Variants in PDIA4 observed in about 807,000 individuals in gnomAD.
PDIA4 encodes the protein protein disulfide-isomerase A4.
A neutral mutation model predicts 62.1 loss-of-function variants in PDIA4; 33 were observed. The observed-to-expected ratio is 0.53, with a 90% confidence interval of 0.40 to 0.71. The LOEUF (loss-of-function observed/expected upper bound fraction) is 0.71, where lower values mean the gene tolerates loss of function less well. Ranked by LOEUF, PDIA4 falls within the 30% of genes least tolerant of loss-of-function variation. The pLI is 0.00. For synonymous variants in PDIA4, 341 were observed against 324.1 expected (o/e 1.05, Z -0.56); for missense variants, 804 against 813.6 (o/e 0.99, Z 0.14).
chr7:149,014,153 G>A (rs983180178), intron 4 of PDIA4, among the ~76,000 whole-genome samples: 1 of 152,152 alleles, frequency 6.6e-6, no homozygotes, highest in East Asian at 1.9e-4. Flanking sequence ...GGCTTATCCA[G>A]GCATTGCCTG....
In PDIA4 at chr7:149,008,702, C is replaced by T. The variant is rs1295638081; in HGVS notation, c.980-392G>A. 3.4e-5 allele frequency among the ~76,000 whole-genome samples: 5 copies of T among 149,080 alleles called. No homozygotes were observed. In the East Asian group the frequency reaches 9.8e-4, roughly 29 times the overall value. ...TTTCAGCCTGGGCGACAGAGTGAGA[C>T]TGTCTTTAAAAAGAAAAAAAAAAAA... On this transcript the variant is annotated intron_variant, in intron 6 of 9. Coordinates refer to ENST00000652332, the MANE Select transcript of PDIA4 (RefSeq NM_004911.5).
intron 3 of PDIA4, 24 bp from the exon 4 acceptor site, chr7:149,015,066 A>G (rs1824081744): frequency 6.2e-7 from 1 of 1,613,556 alleles, no homozygotes; most frequent in Non-Finnish European, 8.5e-7. Flanking sequence ...AGCAAGACTG[A>G]GCACACAAGG....
chr7:149,008,020 G>A, intron 7 of PDIA4, 139 bp downstream of exon 7: 3 of 780,164 alleles, frequency 3.8e-6, no homozygotes, highest in South Asian at 3.9e-5. Flanking sequence ...GTGGGGTGGG[G>A]AGAACGGGCT....
chr7:149,005,880 T>G lies in PDIA4; in HGVS notation c.1288+17A>C. ...CCCCACCCCCCACCCCCGCAGGTCT[T>G]GGTGGGGGTCCCTCACCAGCTCTGT... On this transcript the variant is annotated intron_variant, in intron 8 of 9. Coordinates refer to ENST00000652332, the MANE Select transcript of PDIA4 (RefSeq NM_004911.5). The G allele has an allele frequency of 6.7e-7, 1 of 1,487,562 alleles. No individual in the cohort carries two copies. The allele number at this position is 1,487,562 out of a possible 1,614,324, so 92.1% of individuals were successfully genotyped here.
chr7:149,026,813 A>C (rs1352702915), intron 1 of PDIA4, among the ~76,000 whole-genome samples: 3 of 151,790 alleles, frequency 2.0e-5, no homozygotes, highest in East Asian at 1.9e-4. Flanking sequence ...AAAAAAAAAA[A>C]AAAACGGAGC....
rs1824628147 is a variant in PDIA4, at chr7:149,028,210, C to G, written c.88+111G>C. On this transcript the variant is annotated intron_variant, in intron 1 of 9. Coordinates refer to ENST00000652332, the MANE Select transcript of PDIA4 (RefSeq NM_004911.5). ...CCGGGCTCGGCGCCCATCACTAGTTCTGGAGCTGACCGCGCGGAAGCCCGC... is the reference window on the plus strand; with the variant it reads ...CCGGGCTCGGCGCCCATCACTAGTTGTGGAGCTGACCGCGCGGAAGCCCGC... The G allele has an allele frequency of 1.9e-5, 14 of 742,874 alleles. No homozygotes were observed. The South Asian group carries it at 2.2e-4, about 12-fold the overall frequency. 46.0% of individuals were successfully genotyped at this position (742,874 alleles called of 1,614,324 possible).
At position 149,003,707 on chromosome 7, in the gene PDIA4, C is replaced by T. The variant is rs1585408694; in HGVS notation, c.*87G>A. On this transcript the variant is annotated 3_prime_UTR_variant, in exon 10 of 10. Transcript: ENST00000652332. Reference sequence around the variant, plus strand: ...AAAAAAAAGGAATCCGAGATACTGTCGTTTGTTGCCGGCCTCGGCGTGGAC... The same window carrying T: ...AAAAAAAAGGAATCCGAGATACTGTTGTTTGTTGCCGGCCTCGGCGTGGAC... 1 of 927,830 alleles carries T rather than the reference C, an allele frequency of 1.1e-6. No homozygotes were observed. Among genetic ancestry groups the T allele is most frequent in the African/African-American group, 1.7e-5 (1 of 58,928 alleles). The allele number at this position is 927,830 out of a possible 1,614,324, so 57.5% of individuals were successfully genotyped here.
At position 149,021,056 on chromosome 7, in the gene PDIA4, T is replaced by C. The variant is rs769286929; in HGVS notation, c.180A>G (p.Glu60=). ...DEEEDDLEVK[E]ENGVLVLNDA... ...CATTTAGGACCAAGACTCCATTTTCTTCCTTAACTTCCAAGTCGTCTTCTT... is the reference window on the plus strand; with the variant it reads ...CATTTAGGACCAAGACTCCATTTTCCTCCTTAACTTCCAAGTCGTCTTCTT... Residue 60 remains glutamate, a synonymous_variant, in exon 2 of 10, where the codon GAA becomes GAG. Coordinates refer to ENST00000652332, the MANE Select transcript of PDIA4 (RefSeq NM_004911.5). 6.2e-7 allele frequency: 1 copy of C among 1,614,164 alleles called. No homozygotes were observed. Among genetic ancestry groups the C allele is most frequent in the South Asian group, 1.1e-5 (1 of 91,074 alleles).
chr7:149,017,157 A>G (rs933413513), intron 3 of PDIA4, among the ~76,000 whole-genome samples: 1 of 151,656 alleles, frequency 6.6e-6, no homozygotes, highest in Admixed American at 6.6e-5. Flanking sequence ...AAGCCTATTC[A>G]ACGCTCTTTC....
Position 149,008,294 on chromosome 7 carries a change from T to C in PDIA4, c.996A>G (p.Glu332=). Residue 332 remains glutamate (E), a synonymous_variant, in exon 7 of 10, where the codon GAA becomes GAG. Transcript: ENST00000652332. ...TGAAAGTGTGGTGAAATTTGTAATC[T>C]TCTCTCAGGTTGTTAGCTGAAACGT... ...QYQDAANNLR[E]DYKFHHTFST... 6.2e-7 allele frequency: 1 copy of C among 1,613,098 alleles called. No homozygotes were observed. Among genetic ancestry groups the C allele is most frequent in the Non-Finnish European group, 8.5e-7 (1 of 1,179,706 alleles).
Position 149,021,033 on chromosome 7 carries a change from T to C in PDIA4, c.203A>G (p.Asn68Ser), listed in dbSNP as rs1824328463. ...CACAAAATTATCAAAGTTTGCATCA[T>C]TTAGGACCAAGACTCCATTTTCTTC... ...VKEENGVLVL[N>S]DANFDNFVAD... The change falls in exon 2 of 10, where the codon AAT (asparagine) becomes AGT (serine). Residue 68 changes from asparagine (N) to serine (S), a missense_variant. By Grantham distance (46) the Asn-to-Ser change is conservative. Coordinates refer to ENST00000652332, the MANE Select transcript of PDIA4 (RefSeq NM_004911.5). 2 of 1,614,184 alleles carry C rather than the reference T, an allele frequency of 1.2e-6. No homozygotes were observed. Among genetic ancestry groups the C allele is most frequent in the Non-Finnish European group, 1.7e-6 (2 of 1,180,016 alleles).
chr7:149,014,842 GC>G, intron 4 of PDIA4, 61 bp downstream of exon 4: 1 of 1,536,080 alleles, frequency 6.5e-7, no homozygotes, highest in Non-Finnish European at 8.9e-7. Flanking sequence ...GCAGGGGCCT[GC>G]CACCCCGCAC....
intron 6 of PDIA4, among the ~76,000 whole-genome samples, chr7:149,010,248 C>G (rs1482199375): frequency 6.6e-6 from 1 of 152,106 alleles, no homozygotes; most frequent in East Asian, 1.9e-4. Flanking sequence ...GTCTGTAATC[C>G]CAGCACTGTG....
At position 149,028,451 on chromosome 7, in the gene PDIA4, T is replaced by C. The variant is rs1824639518; in HGVS notation, c.-43A>G. The C allele has an allele frequency of 6.8e-6, 9 of 1,317,418 alleles. No individual in the cohort carries two copies. The South Asian group carries it at 1.1e-4, about 17-fold the overall frequency. 81.6% of individuals were successfully genotyped at this position (1,317,418 alleles called of 1,614,324 possible). A position where few individuals can be genotyped will look rare whatever the true frequency, so the allele number is the denominator to read the frequency against. On this transcript the variant is annotated 5_prime_UTR_variant, in exon 1 of 10. Coordinates refer to ENST00000652332, the MANE Select transcript of PDIA4 (RefSeq NM_004911.5). ...GCGGCCTCCTAGCGTCGGCGGCCGC[T>C]GAGCGCACCGAGAACTCGGGGTCTG...
rs1823738861 is a variant in PDIA4 at position 149,005,911 on chromosome 7, A to C, written c.1274T>G (p.Phe425Cys). ...VVVYYSVDFS[F>C]DYRAATQFWR... The stretch of plus-strand genomic sequence containing the variant: ...GGGTCCCTCACCAGCTCTGTAATCA[A>C]AGCTGAAGTCCACACTGTAGTAGAC... The change falls in exon 8 of 10, where the codon TTT (phenylalanine) becomes TGT (cysteine). Residue 425 changes from phenylalanine to cysteine, a missense_variant. Phe to Cys is a radical substitution (Grantham distance 205). Coordinates refer to ENST00000652332, the MANE Select transcript of PDIA4 (RefSeq NM_004911.5). 1 of 1,516,144 alleles carries C rather than the reference A, an allele frequency of 6.6e-7. No homozygotes were observed. Among genetic ancestry groups the C allele is most frequent in the Non-Finnish European group, 8.8e-7 (1 of 1,141,486 alleles). The allele number at this position is 1,516,144 out of a possible 1,614,324, so 93.9% of individuals were successfully genotyped here.
At chr7:149,010,275 G>A (rs1823901378) in intron 6 of PDIA4, among the ~76,000 whole-genome samples, 1 of 152,138 alleles carries the variant, frequency 6.6e-6, no homozygotes, top group South Asian at 2.1e-4. Flanking sequence ...CGAGGCAGGA[G>A]GATCACTTGA....
At chr7:149,026,884 T>C (rs6464934) in intron 1 of PDIA4, among the ~76,000 whole-genome samples, 141,958 of 151,628 alleles carry the variant, frequency 0.94, 67,012 homozygotes, top group Non-Finnish European at 1. Flanking sequence ...AGGCTCACCC[T>C]AGGAGCAACT....
intron 4 of PDIA4, among the ~76,000 whole-genome samples, chr7:149,013,456 C>T (rs1278262308): frequency 2.0e-5 from 3 of 152,100 alleles, no homozygotes; most frequent in African/African-American, 7.2e-5. Flanking sequence ...GCGGGAGGGT[C>T]GCTTGAGGCC....
intron 1 of PDIA4, among the ~76,000 whole-genome samples, chr7:149,023,977 T>A (rs905195920): frequency 3.3e-5 from 5 of 152,192 alleles, no homozygotes; most frequent in African/African-American, 1.2e-4. Context: ...CGAGACATGG[T>A]GGATCACGCC....
Sources: gnomAD v4.1 joint callset for allele counts (sites outside exome capture counted in the v4.1 genomes callset) on GRCh38, gnomAD v4.1.1 for gene constraint, MANE v1.5 for transcripts, NCBI Gene and HGNC (gene_info 2026-07-23, HGNC 2026-07-21) for gene names.